EPYC: variants seen among roughly 807,000 people sequenced by gnomAD.
The protein encoded by EPYC is dermatan sulfate proteoglycan 3.
EPYC carries 28 observed loss-of-function variants against 30.1 expected under a neutral mutation model. The ratio of observed to expected loss-of-function variants is 0.93; its 90% CI spans 0.69 to 1.28. The LOEUF (loss-of-function observed/expected upper bound fraction) is 1.28, where lower values mean the gene tolerates loss of function less well. EPYC is among the 50% of genes most tolerant of loss of function. The probability of loss-of-function intolerance (pLI) is 0.00; values close to 1 mark genes in which losing one functional copy is unlikely to be tolerated. For missense variants in EPYC, 382 were observed against 383.5 expected, an observed-to-expected ratio of 1.00 and a Z score of 0.03; for synonymous variants, 144 against 141.4, an observed-to-expected ratio of 1.02 and a Z score of -0.13.
At position 90,991,516 on chromosome 12, in the gene EPYC, G is replaced by T. The variant is rs75243099; in HGVS notation, c.165+10885C>A. On this transcript the variant is annotated intron_variant, in intron 2 of 6. Coordinates refer to ENST00000261172, the MANE Select transcript of EPYC (RefSeq NM_004950.5). ...ACTTTTAGCAGATTCATAAGTTACT[G>T]ATTTATGAAATGTAGTGAACTATGC... Among the ~76,000 whole-genome samples, 331 of 152,144 alleles carry T rather than the reference G, an allele frequency of 2.2e-3. 2 individuals are homozygous for T. Among genetic ancestry groups the T allele is most frequent in the African/African-American group, 6.9e-3 (286 of 41,466 alleles).
intron 2 of EPYC, among the ~76,000 whole-genome samples, chr12:90,987,309 C>T (rs1457076327): frequency 6.6e-6 from 1 of 150,490 alleles, no homozygotes; most frequent in African/African-American, 2.4e-5. Context: ...ACATTCCAAC[C>T]ACACCATAAA....
chr12:90,987,236 A>T (rs761954919), intron 2 of EPYC, among the ~76,000 whole-genome samples: 6 of 152,038 alleles, frequency 3.9e-5, no homozygotes, highest in Non-Finnish European at 8.8e-5. Flanking sequence ...GACCAGAAAC[A>T]TTCCAAACCC....
In EPYC at chr12:90,971,939, C is replaced by A. The variant is rs371907646; in HGVS notation, c.563G>T (p.Arg188Leu). 7 of 1,610,078 alleles carry A rather than the reference C, an allele frequency of 4.3e-6. No individual in the cohort carries two copies. Among genetic ancestry groups the A allele is most frequent in the Non-Finnish European group, 5.9e-6 (7 of 1,178,196 alleles). ...LISEIDEDAF[R>L]KLPQLRELVL... The stretch of plus-strand genomic sequence containing the variant: ...AAGCTCTCGAAGTTGAGGCAGTTTT[C>A]GGAATGCATCTTCATCAATCTCAGA... The change falls in exon 5 of 7, where the codon CGA becomes CTA. Residue 188 changes from arginine to leucine, a missense_variant. Coordinates refer to ENST00000261172, the MANE Select transcript of EPYC (RefSeq NM_004950.5).
At chr12:91,003,235 A>G (rs771505972) in intron 1 of EPYC, among the ~76,000 whole-genome samples, 11 of 152,242 alleles carry the variant, frequency 7.2e-5, no homozygotes, top group Non-Finnish European at 1.3e-4. Flanking sequence ...ATAAATACAT[A>G]CATTGTTTAA....
At chr12:90,987,096 GAGC>G (rs1221271084) in intron 2 of EPYC, among the ~76,000 whole-genome samples, 1 of 152,138 alleles carries the variant, frequency 6.6e-6, no homozygotes, top group African/African-American at 2.4e-5. Context: ...GAGAGTGACA[GAGC>G]AGGAATATCA....
intron 3 of EPYC, among the ~76,000 whole-genome samples, chr12:90,977,437 T>C (rs191203583): frequency 6.6e-6 from 1 of 152,266 alleles, no homozygotes; most frequent in East Asian, 1.9e-4. Flanking sequence ...TTCCTCTCTC[T>C]GTTGCTTCTT....
intron 2 of EPYC, among the ~76,000 whole-genome samples, chr12:90,998,942 A>T (rs189077902): frequency 4.0e-4 from 61 of 152,164 alleles, no homozygotes; most frequent in African/African-American, 1.5e-3. Flanking sequence ...ACTGGCCATC[A>T]GTTTCTCTCA....
intron 2 of EPYC, among the ~76,000 whole-genome samples, chr12:90,979,298 C>T (rs1877270505): frequency 6.6e-6 from 1 of 152,110 alleles, no homozygotes; most frequent in South Asian, 2.1e-4. Context: ...CCCCAGAAAT[C>T]CCAGACTTTC....
chr12:90,996,786 A>C (rs186248911), intron 2 of EPYC, among the ~76,000 whole-genome samples: 13 of 152,160 alleles, frequency 8.5e-5, no homozygotes, highest in Admixed American at 2.6e-4. Context: ...ATTTTCTATG[A>C]CCAGTTTTTA....
intron 1 of EPYC, among the ~76,000 whole-genome samples, chr12:91,004,062 A>G (rs562160933): frequency 2.0e-5 from 3 of 152,092 alleles, no homozygotes; most frequent in Non-Finnish European, 4.4e-5. Context: ...CTAGGCAATT[A>G]CCAACAAAGT....
At chr12:90,992,042 C>G (rs925483234) in intron 2 of EPYC, among the ~76,000 whole-genome samples, 8 of 152,156 alleles carry the variant, frequency 5.3e-5, no homozygotes, top group African/African-American at 1.9e-4. Flanking sequence ...AGCCTCCAAC[C>G]TTTCTGGCAC....
rs1444315241 is a variant in EPYC at position 90,997,928 on chromosome 12, C to T, written c.165+4473G>A. 2.0e-5 allele frequency among the ~76,000 whole-genome samples: 3 copies of T among 151,956 alleles called. No homozygotes were observed. In the East Asian group the frequency reaches 5.8e-4, roughly 29 times the overall value. ...ATCAAGTTAAAAGAACAATTTAGAGCTTGACAGAAAATGGGGGCAGAATAA... is the reference window on the plus strand; with the variant it reads ...ATCAAGTTAAAAGAACAATTTAGAGTTTGACAGAAAATGGGGGCAGAATAA... On this transcript the variant is annotated intron_variant, in intron 2 of 6. Transcript: ENST00000261172.
chr12:90,967,141 C>T (rs11105888), intron 6 of EPYC, among the ~76,000 whole-genome samples: 109,019 of 151,338 alleles, frequency 0.72, 41,149 homozygotes, highest in Non-Finnish European at 0.83. Context: ...TTCTATTCTG[C>T]TTGCTTTGGG....
intron 6 of EPYC, among the ~76,000 whole-genome samples, chr12:90,966,208 C>T (rs1002132545): frequency 6.6e-6 from 1 of 151,910 alleles, no homozygotes; most frequent in Non-Finnish European, 1.5e-5. Flanking sequence ...CAATTTTAGT[C>T]TTGTTTCTGT....
intron 2 of EPYC, among the ~76,000 whole-genome samples, chr12:90,993,735 T>A (rs543677882): frequency 2.0e-5 from 3 of 150,914 alleles, no homozygotes; most frequent in Admixed American, 2.0e-4. Context: ...TAATAGAAAA[T>A]TATATGTAAT....
intron 2 of EPYC, among the ~76,000 whole-genome samples, chr12:90,995,307 T>A (rs188312895): frequency 6.6e-6 from 1 of 152,236 alleles, no homozygotes; most frequent in East Asian, 1.9e-4. Flanking sequence ...TTAAACACTT[T>A]GACAGCTAAC....
intron 6 of EPYC, among the ~76,000 whole-genome samples, chr12:90,967,670 T>C (rs2178459): frequency 0.72 from 110,160 of 152,102 alleles, 41,703 homozygotes; most frequent in Non-Finnish European, 0.83. Flanking sequence ...TAGATAGTTG[T>C]TCTATCCATT....
In EPYC at chr12:90,986,247, AC is replaced by A. The variant is rs1877446249; in HGVS notation, c.166-7986del. 5.9e-5 allele frequency among the ~76,000 whole-genome samples: 9 copies of A among 151,922 alleles called. No homozygotes were observed. The South Asian group carries it at 1.9e-3, about 32-fold the overall frequency. ...TGCCCAGTCCAAATCAGGCTAAAAGACCCCACCACTCTTCTTATCAAAGGCA... is the reference window on the plus strand; with the variant it reads ...TGCCCAGTCCAAATCAGGCTAAAAGACCCACCACTCTTCTTATCAAAGGCA... On this transcript the variant is annotated intron_variant, in intron 2 of 6. Coordinates refer to ENST00000261172, the MANE Select transcript of EPYC (RefSeq NM_004950.5).
rs1165542695 is a variant in EPYC, at chr12:90,964,480, T to TG, written c.799-155dup. Among the ~76,000 whole-genome samples, 4 of 152,220 alleles carry TG rather than the reference T, an allele frequency of 2.6e-5. No homozygotes were observed. In the East Asian group the frequency reaches 7.7e-4, roughly 29 times the overall value. ...TATATGCCAAGCACTTTCTAAGCAA[T>TG]GGGGGTAAATTAGGAAATAGACATG... On this transcript the variant is annotated intron_variant, in intron 6 of 6. Coordinates refer to ENST00000261172, the MANE Select transcript of EPYC (RefSeq NM_004950.5).
Sources: allele counts gnomAD v4.1 joint callset (sites outside exome capture counted in the v4.1 genomes callset), GRCh38; gene constraint gnomAD v4.1.1; transcripts MANE v1.5; gene names NCBI Gene and HGNC (gene_info 2026-07-23, HGNC 2026-07-21).